Variants in COL4A6 observed in about 807,000 individuals in gnomAD.
COL4A6 encodes collagen type IV alpha 6 chain.
COL4A6 carries 59 observed loss-of-function variants against 126.7 expected under a neutral mutation model. That is an observed-to-expected ratio of 0.47 (90% CI 0.38 to 0.58). The LOEUF (loss-of-function observed/expected upper bound fraction) is 0.58. Among genes scored for constraint, COL4A6 ranks in the 20% least tolerant of loss-of-function variants. The pLI is 0.00. For synonymous variants in COL4A6, 547 were observed against 496.6 expected (o/e 1.10, Z -1.35); for missense variants, 1,285 against 1,337.3 (o/e 0.96, Z 0.61).
chrX:108,346,649 G>A (rs2039715301), intron 2 of COL4A6, among the ~76,000 whole-genome samples: 1 of 112,177 alleles, frequency 8.9e-6, no homozygotes, highest in Non-Finnish European at 1.9e-5. Context: ...TTTTACTCTA[G>A]GCTAATTGAT....
intron 2 of COL4A6, among the ~76,000 whole-genome samples, chrX:108,354,295 G>A (rs761868547): frequency 8.9e-6 from 1 of 111,844 alleles, no homozygotes; most frequent in East Asian, 2.8e-4. Flanking sequence ...GTAAAATGTG[G>A]TCTCTTCCCT....
chrX:108,294,856 T>C (rs755331035), intron 3 of COL4A6, among the ~76,000 whole-genome samples: 37 of 112,060 alleles, frequency 3.3e-4, no homozygotes, highest in African/African-American at 1.2e-3. Flanking sequence ...ACCTTGTGAA[T>C]ATACTAAAAA....
intron 3 of COL4A6, among the ~76,000 whole-genome samples, chrX:108,229,810 A>C (rs796792500): frequency 8.9e-6 from 1 of 111,902 alleles, no homozygotes; most frequent in East Asian, 2.8e-4. Flanking sequence ...GAGTGGATGG[A>C]GTAGCAAGAC....
rs142593944 is a variant in COL4A6, at chrX:108,211,688, C to T, written c.494G>A (p.Ser165Asn). 7.4e-5 allele frequency: 89 copies of T among 1,210,383 alleles called. 1 individual carries two copies. In the East Asian group the frequency reaches 2.6e-3, roughly 35 times the overall value. ...SKGDPVLAPG[S>N]FKGMKGDPGL... Reference sequence around the variant, plus strand: ...GGTTCTTACCTTCATTCCTTTGAAACTACCTGGAGCAAGGACAGGGTCACC... The same window carrying T: ...GGTTCTTACCTTCATTCCTTTGAAATTACCTGGAGCAAGGACAGGGTCACC... The change falls in exon 7 of 45, where the codon AGT becomes AAT. Residue 165 changes from serine (S) to asparagine (N), a missense_variant. Coordinates refer to ENST00000334504, the MANE Select transcript of COL4A6 (RefSeq NM_033641.4).
chrX:108,289,747 A>G (rs1039408290), intron 3 of COL4A6, among the ~76,000 whole-genome samples: 4 of 111,079 alleles, frequency 3.6e-5, no homozygotes, highest in African/African-American at 1.3e-4. Flanking sequence ...TTTTGCATAT[A>G]TTAAAACCAA....
intron 13 of COL4A6, among the ~76,000 whole-genome samples, chrX:108,202,726 G>A (rs188065286): frequency 9.0e-6 from 1 of 111,560 alleles, no homozygotes; most frequent in African/African-American, 3.3e-5. Flanking sequence ...TAACCTCTAA[G>A]GTATACAGCC....
At chrX:108,245,793 AAT>A (rs2036704234) in intron 3 of COL4A6, among the ~76,000 whole-genome samples, 1 of 111,857 alleles carries the variant, frequency 8.9e-6, no homozygotes, top group African/African-American at 3.2e-5. Flanking sequence ...TCTACGGCCT[AAT>A]ATAGTTCTGA....
intron 2 of COL4A6, among the ~76,000 whole-genome samples, chrX:108,432,601 C>T (rs1260119790): frequency 9.0e-6 from 1 of 111,321 alleles, no homozygotes; most frequent in African/African-American, 3.3e-5. Flanking sequence ...TTTGGGAGGC[C>T]GAGGCGGGTG....
intron 3 of COL4A6, among the ~76,000 whole-genome samples, chrX:108,232,454 C>T (rs2036333848): frequency 8.9e-6 from 1 of 111,826 alleles, no homozygotes; most frequent in South Asian, 3.8e-4. Context: ...ACAAAGATCC[C>T]CAGTGTGTAC....
chrX:108,248,117 T>A (rs1186990337), intron 3 of COL4A6, among the ~76,000 whole-genome samples: 1 of 111,470 alleles, frequency 9.0e-6, no homozygotes, highest in Non-Finnish European at 1.9e-5. Flanking sequence ...ACAAGATGGT[T>A]TTCTGGGGTA....
intron 2 of COL4A6, among the ~76,000 whole-genome samples, chrX:108,332,148 C>T (rs1488366982): frequency 1.8e-5 from 2 of 111,362 alleles, no homozygotes; most frequent in African/African-American, 6.5e-5. Flanking sequence ...GAAAATGGCC[C>T]CCAGTTCCAT....
At chrX:108,391,512 C>T (rs377191264) in intron 2 of COL4A6, among the ~76,000 whole-genome samples, 7 of 111,439 alleles carry the variant, frequency 6.3e-5, no homozygotes, top group South Asian at 3.8e-4. Context: ...ATTCAAGCCT[C>T]GGCAATGGCA....
chrX:108,218,355 A>T (rs1414184090), intron 5 of COL4A6, among the ~76,000 whole-genome samples: 1 of 112,357 alleles, frequency 8.9e-6, no homozygotes, highest in Non-Finnish European at 1.9e-5. Flanking sequence ...GCCATAAGAA[A>T]ATGTCAGGAG....
chrX:108,199,798 A>G (rs1281052855), intron 13 of COL4A6, among the ~76,000 whole-genome samples: 1 of 111,519 alleles, frequency 9.0e-6, no homozygotes, highest in Admixed American at 9.5e-5. Context: ...AGATCATAAA[A>G]TCCTTTTCAG....
rs1467102896 is a variant in COL4A6 at position 108,160,538 on chromosome X, C to T, written c.4450G>A (p.Gly1484Arg). 10 of 1,211,233 alleles carry T rather than the reference C, an allele frequency of 8.3e-6. No homozygotes were observed. Among genetic ancestry groups the T allele is most frequent in the Middle Eastern group, 4.6e-4 (2 of 4,352 alleles). Residue 1484 changes from glycine (G) to arginine (R), a missense_variant, in exon 43 of 45, where the codon GGG becomes AGG. By Grantham distance (125) the Gly-to-Arg change is moderately radical. Coordinates refer to ENST00000334504, the MANE Select transcript of COL4A6 (RefSeq NM_033641.4). ...QSEQVPPCPIGMSQLWVGYSL... is the reference protein window; with the variant it reads ...QSEQVPPCPIRMSQLWVGYSL... ...TACCCCACCCACAGCTGGCTCATCC[C>T]GATGGGACACGGGGGCACCTGTTCC...
intron 2 of COL4A6, among the ~76,000 whole-genome samples, chrX:108,321,044 G>C (rs186531088): frequency 2.4e-4 from 27 of 111,784 alleles, no homozygotes; most frequent in Non-Finnish European, 4.1e-4. Flanking sequence ...ATAAAATAGG[G>C]ATATTTTACT....
At chrX:108,405,074 A>G (rs747640818) in intron 2 of COL4A6, among the ~76,000 whole-genome samples, 1 of 112,170 alleles carries the variant, frequency 8.9e-6, no homozygotes, top group African/African-American at 3.2e-5. Context: ...CTTCTAATTA[A>G]AGCATGAGTG....
At chrX:108,377,544 GA>G (rs1490314210) in intron 2 of COL4A6, among the ~76,000 whole-genome samples, 9 of 102,614 alleles carry the variant, frequency 8.8e-5, no homozygotes, top group Non-Finnish European at 1.8e-4. Flanking sequence ...TCTCTGTACA[GA>G]AAAAAAATTT....
At chrX:108,337,798 T>C (rs904577871) in intron 2 of COL4A6, among the ~76,000 whole-genome samples, 1 of 112,379 alleles carries the variant, frequency 8.9e-6, no homozygotes, top group Non-Finnish European at 1.9e-5. Flanking sequence ...TATCCATTAC[T>C]TTCCCAAATC....
Sources: gnomAD v4.1 joint callset for allele counts (sites outside exome capture counted in the v4.1 genomes callset) on GRCh38, gnomAD v4.1.1 for gene constraint, MANE v1.5 for transcripts, NCBI Gene and HGNC (gene_info 2026-07-23, HGNC 2026-07-21) for gene names.